The following SLC13A3 variants were observed in gnomAD, a reference collection of about 807,000 sequenced individuals.
The protein encoded by SLC13A3 is Na(+)/dicarboxylate cotransporter 3.
SLC13A3 carries 40 observed loss-of-function variants against 59.0 expected under a neutral mutation model. That is an observed-to-expected ratio of 0.68 (90% confidence interval 0.53 to 0.88). The LOEUF (loss-of-function observed/expected upper bound fraction) is 0.88, where lower values mean the gene tolerates loss of function less well. SLC13A3 is among the 40% of genes least tolerant of loss of function. SLC13A3 has a pLI of 0.00. For missense variants in SLC13A3, 699 were observed against 783.2 expected (o/e 0.89, Z 1.28); for synonymous variants, 317 against 330.3 (o/e 0.96, Z 0.44).
intron 5 of SLC13A3, among the ~76,000 whole-genome samples, chr20:46,593,067 G>A (rs2062276265): frequency 1.3e-5 from 2 of 152,328 alleles, no homozygotes; most frequent in Non-Finnish European, 1.5e-5. Context: ...ATTTTGTCCA[G>A]GCAATGGTGA....
chr20:46,656,763 C>T (rs779689531), intron 1 of SLC13A3, among the ~76,000 whole-genome samples: 3 of 151,824 alleles, frequency 2.0e-5, no homozygotes, highest in Non-Finnish European at 4.4e-5. Flanking sequence ...GATGTTAGCT[C>T]TTTTGCTGTA....
intron 1 of SLC13A3, among the ~76,000 whole-genome samples, chr20:46,638,224 T>A (rs79083915): frequency 5.9e-5 from 9 of 151,808 alleles, no homozygotes; most frequent in African/African-American, 2.2e-4. Flanking sequence ...TCAGGCACCA[T>A]GAGAAGTTTT....
At chr20:46,592,716 C>T (rs1454391596) in intron 5 of SLC13A3, among the ~76,000 whole-genome samples, 187 bp from the exon 6 acceptor site, 2 of 152,170 alleles carry the variant, frequency 1.3e-5, no homozygotes. Flanking sequence ...TTGGAGGCTG[C>T]TGGCTTCTGA....
intron 10 of SLC13A3, among the ~76,000 whole-genome samples, chr20:46,568,962 C>G (rs1174380926): frequency 6.6e-6 from 1 of 152,110 alleles, no homozygotes; most frequent in Non-Finnish European, 1.5e-5. Flanking sequence ...TCTAAAGGGA[C>G]TTCACCTGCC....
chr20:46,632,918 T>C lies in SLC13A3; in HGVS notation c.111+18393A>G, dbSNP rs368931445. On this transcript the variant is annotated intron_variant, in intron 1 of 12. Coordinates refer to ENST00000279027, the MANE Select transcript of SLC13A3 (RefSeq NM_022829.6). The stretch of plus-strand genomic sequence containing the variant: ...ATAGATAGATAGATAGATATATCTA[T>C]CTATCTATCTATCTATCTATCTATC... Among the ~76,000 whole-genome samples, 144 of 31,838 alleles carry C rather than the reference T, an allele frequency of 4.5e-3. 1 individual carries two copies. Among genetic ancestry groups the C allele is most frequent in the South Asian group, 0.012 (14 of 1,122 alleles). The allele number at this position is 31,838 out of a possible 152,430, so 20.9% of individuals were successfully genotyped here. A position where few individuals can be genotyped will look rare whatever the true frequency, so the allele number is the denominator to read the frequency against.
intron 1 of SLC13A3, among the ~76,000 whole-genome samples, chr20:46,636,967 A>G (rs2062801782): frequency 6.6e-6 from 1 of 151,734 alleles, no homozygotes; most frequent in Non-Finnish European, 1.5e-5. Flanking sequence ...CGCCTGGCTA[A>G]TTTTTGTATT....
intron 1 of SLC13A3, among the ~76,000 whole-genome samples, chr20:46,676,717 G>A (rs556166563): frequency 3.6e-4 from 55 of 151,882 alleles, no homozygotes; most frequent in South Asian, 8.3e-4. Context: ...CTCCCCAGTC[G>A]CTGGGACTAC....
chr20:46,613,843 G>A, intron 1 of SLC13A3, 118 bp from the exon 2 acceptor site: 1 of 905,024 alleles, frequency 1.1e-6, no homozygotes, highest in Non-Finnish European at 1.6e-6. Flanking sequence ...GGGGGAAGGA[G>A]GCCTGCGGCA....
upstream of SLC13A3, chr20:46,651,492 TG>T: frequency 8.3e-7 from 1 of 1,200,054 alleles, no homozygotes; most frequent in Non-Finnish European, 1.0e-6. Flanking sequence ...GCTTAAAGCC[TG>T]GGGGAGGGTC....
At chr20:46,677,979 T>C (rs1028802126) in intron 1 of SLC13A3, among the ~76,000 whole-genome samples, 5 of 152,218 alleles carry the variant, frequency 3.3e-5, no homozygotes, top group Non-Finnish European at 5.9e-5. Flanking sequence ...TTGTTTAACA[T>C]TGGCATATGA....
chr20:46,575,781 G>T, intron 9 of SLC13A3, 96 bp from the exon 10 acceptor site: 2 of 645,872 alleles, frequency 3.1e-6, no homozygotes, highest in Non-Finnish European at 5.0e-6. Context: ...GACACTCAGG[G>T]GTCCCCAGGA....
chr20:46,612,123 G>GT (rs1568936280), intron 2 of SLC13A3, among the ~76,000 whole-genome samples: 19 of 68,870 alleles, frequency 2.8e-4, no homozygotes, highest in African/African-American at 6.3e-4. Context: ...CTCTCTCTTT[G>GT]CTTTTTTTTT....
rs533791721 is a variant in SLC13A3 at position 46,678,202 on chromosome 20, G to T, written c.-31+6194C>A. Reference sequence around the variant, plus strand: ...TGAATAGGCTGGGTCTCAGTGCCGGGTTCTCACCTCCCAGGCCTTGGTAAG... The same window carrying T: ...TGAATAGGCTGGGTCTCAGTGCCGGTTTCTCACCTCCCAGGCCTTGGTAAG... On this transcript the variant is annotated intron_variant, in intron 1 of 6. Coordinates refer to the SLC13A3 transcript ENST00000372121. 4.4e-4 allele frequency among the ~76,000 whole-genome samples: 67 copies of T among 152,260 alleles called. No individual in the cohort carries two copies. In the South Asian group the frequency reaches 4.6e-3, roughly 10 times the overall value.
At chr20:46,646,211 G>A (rs1193649375) in intron 1 of SLC13A3, among the ~76,000 whole-genome samples, 1 of 152,156 alleles carries the variant, frequency 6.6e-6, no homozygotes, top group Non-Finnish European at 1.5e-5. Context: ...TCACTTCCTG[G>A]CCGCTCTCAC....
At chr20:46,597,312 C>A (rs909509709) in intron 4 of SLC13A3, among the ~76,000 whole-genome samples, 2 of 151,902 alleles carry the variant, frequency 1.3e-5, no homozygotes, top group African/African-American at 4.8e-5. Context: ...AAATGATGTC[C>A]GCTATTCTCC....
At chr20:46,597,301 G>A (rs1011586047) in intron 4 of SLC13A3, among the ~76,000 whole-genome samples, 1 of 152,106 alleles carries the variant, frequency 6.6e-6, no homozygotes, top group African/African-American at 2.4e-5. Context: ...TTATTGAGAT[G>A]AAATGATGTC....
intron 1 of SLC13A3, among the ~76,000 whole-genome samples, chr20:46,657,165 A>G (rs2062999865): frequency 6.6e-6 from 1 of 152,182 alleles, no homozygotes; most frequent in African/African-American, 2.4e-5. Context: ...AACTTTTATC[A>G]TGATCCGGGA....
intron 2 of SLC13A3, among the ~76,000 whole-genome samples, chr20:46,612,843 T>TCCTA (rs2062513274): frequency 1.3e-5 from 2 of 152,190 alleles, no homozygotes; most frequent in Admixed American, 6.5e-5. Context: ...TTTAGGATTG[T>TCCTA]AACCCTGCCT....
intron 3 of SLC13A3, among the ~76,000 whole-genome samples, chr20:46,602,713 A>G (rs2062391867): frequency 6.6e-6 from 1 of 152,216 alleles, no homozygotes; most frequent in Non-Finnish European, 1.5e-5. Flanking sequence ...ATGCTGCTAA[A>G]CATCCTGCAA....
Sources: allele counts gnomAD v4.1 joint callset (sites outside exome capture counted in the v4.1 genomes callset), GRCh38; gene constraint gnomAD v4.1.1; transcripts MANE v1.5; gene names NCBI Gene and HGNC (gene_info 2026-07-23, HGNC 2026-07-21).